The following KAZN variants were observed in gnomAD, a reference collection of about 807,000 sequenced individuals.
KAZN encodes kazrin.
KAZN carries 40 observed loss-of-function variants against 87.4 expected under a neutral mutation model. That is an observed-to-expected ratio of 0.46 (90% confidence interval 0.36 to 0.60). KAZN has a LOEUF of 0.60. KAZN is among the 20% of genes least tolerant of loss of function. The pLI is 0.00. For synonymous variants in KAZN, 466 were observed against 458.3 expected, an observed-to-expected ratio of 1.02 and a Z score of -0.22; for missense variants, 898 against 1,073.9, an observed-to-expected ratio of 0.84 and a Z score of 2.29.
At chr1:14,115,328 C>A (rs1441241649) in intron 1 of KAZN, among the ~76,000 whole-genome samples, 2 of 152,232 alleles carry the variant, frequency 1.3e-5, no homozygotes, top group Non-Finnish European at 2.9e-5. Flanking sequence ...GCTGTGCCCC[C>A]ACCCAAATCT....
intron 1 of KAZN, among the ~76,000 whole-genome samples, chr1:14,776,431 G>T (rs559780361): frequency 6.6e-6 from 1 of 152,320 alleles, no homozygotes; most frequent in East Asian, 1.9e-4. Flanking sequence ...CTGTCCTTGG[G>T]ATCTGCCCTC....
intron 2 of KAZN, among the ~76,000 whole-genome samples, chr1:14,370,111 A>G (rs1660351578): frequency 6.6e-6 from 1 of 152,202 alleles, no homozygotes; most frequent in African/African-American, 2.4e-5. Context: ...CAAATGCTGG[A>G]TGGAAAGGGT....
chr1:14,294,562 A>C (rs1653970081), intron 2 of KAZN, among the ~76,000 whole-genome samples: 1 of 151,346 alleles, frequency 6.6e-6, no homozygotes, highest in Admixed American at 6.6e-5. Flanking sequence ...GCTAGTAAGG[A>C]AAGACCTGAA....
At chr1:14,495,499 C>T (rs1304806373) in intron 2 of KAZN, among the ~76,000 whole-genome samples, 2 of 152,168 alleles carry the variant, frequency 1.3e-5, no homozygotes, top group Non-Finnish European at 2.9e-5. Flanking sequence ...ATTCATGCTC[C>T]TTTCCTTTCT....
rs539940394 is a variant in KAZN, at chr1:14,861,080, T to C, written c.227-99604T>C. ...TGCCAAGTAATTGCAGTTTTTGCCA[T>C]TGAAAGTAATAGCAAAGCCGGGTGC... On this transcript the variant is annotated intron_variant, in intron 1 of 14. Coordinates refer to ENST00000376030, the MANE Select transcript of KAZN (RefSeq NM_201628.3). Among the ~76,000 whole-genome samples the C allele has an allele frequency of 3.3e-5, 5 of 152,296 alleles. No individual in the cohort carries two copies. In the South Asian group the frequency reaches 8.3e-4, roughly 25 times the overall value.
At position 14,982,721 on chromosome 1, in the gene KAZN, G is replaced by T. The variant is rs539633903; in HGVS notation, c.418+21846G>T. Among the ~76,000 whole-genome samples the T allele has an allele frequency of 7.2e-5, 11 of 152,252 alleles. No homozygotes were observed. The South Asian group carries it at 8.3e-4, about 11-fold the overall frequency. On this transcript the variant is annotated intron_variant, in intron 2 of 14. Transcript: ENST00000376030. ...ATTACAGGCGTGAGCCACTGTGCCTGGCCAGCACCTGAGATCTTGAAAGGG... is the reference window on the plus strand; with the variant it reads ...ATTACAGGCGTGAGCCACTGTGCCTTGCCAGCACCTGAGATCTTGAAAGGG...
At chr1:14,093,720 AT>A (rs1644061311) in intron 1 of KAZN, among the ~76,000 whole-genome samples, 1 of 152,226 alleles carries the variant, frequency 6.6e-6, no homozygotes, top group Admixed American at 6.5e-5. Context: ...TAACCAATTT[AT>A]TTGATCATAG....
At chr1:14,736,703 T>C (rs905799428) in intron 1 of KAZN, among the ~76,000 whole-genome samples, 2 of 151,994 alleles carry the variant, frequency 1.3e-5, no homozygotes, top group African/African-American at 4.8e-5. Context: ...GACAGTTCTA[T>C]AAAAATAAAG....
At chr1:15,027,765 A>T (rs1409806990) in intron 2 of KAZN, among the ~76,000 whole-genome samples, 4 of 152,176 alleles carry the variant, frequency 2.6e-5, no homozygotes. Context: ...GGGTACACCC[A>T]GGCTGGAAAT....
intron 2 of KAZN, among the ~76,000 whole-genome samples, chr1:14,442,319 A>G (rs1666750557): frequency 6.6e-6 from 1 of 152,246 alleles, no homozygotes; most frequent in Non-Finnish European, 1.5e-5. Context: ...TGCTAATTGG[A>G]CACAAATCAC....
chr1:14,011,802 T>A (rs1640326350), intron 1 of KAZN, among the ~76,000 whole-genome samples: 1 of 152,208 alleles, frequency 6.6e-6, no homozygotes, highest in African/African-American at 2.4e-5. Context: ...ATAATACATG[T>A]ATTAATACAT....
chr1:14,637,989 A>G (rs1680123323), intron 1 of KAZN, among the ~76,000 whole-genome samples: 1 of 152,032 alleles, frequency 6.6e-6, no homozygotes, highest in African/African-American at 2.4e-5. Context: ...GGCAGCTGCC[A>G]GCATTCCTTG....
intron 2 of KAZN, among the ~76,000 whole-genome samples, chr1:14,965,742 G>C (rs1484272208): frequency 6.6e-6 from 1 of 152,016 alleles, no homozygotes; most frequent in African/African-American, 2.4e-5. Flanking sequence ...ATGTAAATCT[G>C]TTTATTTTCA....
At chr1:14,365,031 C>T (rs1659853281) in intron 2 of KAZN, among the ~76,000 whole-genome samples, 1 of 151,626 alleles carries the variant, frequency 6.6e-6, no homozygotes, top group Non-Finnish European at 1.5e-5. Flanking sequence ...GCATGAGCCA[C>T]CATGCCCGGC....
At chr1:14,087,873 G>A (rs1643889973) in intron 1 of KAZN, among the ~76,000 whole-genome samples, 1 of 151,724 alleles carries the variant, frequency 6.6e-6, no homozygotes, top group Non-Finnish European at 1.5e-5. Flanking sequence ...TAGTAATTTT[G>A]CATCTATACT....
intron 2 of KAZN, among the ~76,000 whole-genome samples, chr1:14,421,979 G>A (rs577000345): frequency 2.3e-4 from 35 of 152,186 alleles, no homozygotes; most frequent in African/African-American, 7.9e-4. Flanking sequence ...CATCTTCCAC[G>A]CCAATGTCAA....
intron 1 of KAZN, among the ~76,000 whole-genome samples, chr1:13,990,160 A>G (rs986793944): frequency 6.6e-6 from 1 of 152,170 alleles, no homozygotes; most frequent in Non-Finnish European, 1.5e-5. Context: ...TGAACCAGAA[A>G]TTCACTTCCT....
chr1:14,285,210 C>T (rs909290133), intron 2 of KAZN, among the ~76,000 whole-genome samples: 33 of 152,184 alleles, frequency 2.2e-4, no homozygotes, highest in African/African-American at 7.7e-4. Context: ...TTAGTAAAAC[C>T]ATCTCACTAA....
intron 1 of KAZN, among the ~76,000 whole-genome samples, chr1:14,087,455 T>C (rs1321527143): frequency 6.6e-6 from 1 of 152,168 alleles, no homozygotes; most frequent in African/African-American, 2.4e-5. Flanking sequence ...TTCATTTCCT[T>C]TTCTTGCCTT....
Sources: allele counts gnomAD v4.1 joint callset (sites outside exome capture counted in the v4.1 genomes callset), GRCh38; gene constraint gnomAD v4.1.1; transcripts MANE v1.5; gene names NCBI Gene and HGNC (gene_info 2026-07-23, HGNC 2026-07-21).